Variants in JPH3 observed in about 807,000 individuals in gnomAD.
JPH3 encodes the protein junctophilin-3.
JPH3 carries 11 observed loss-of-function variants against 59.6 expected under a neutral mutation model. The ratio of observed to expected loss-of-function variants is 0.18; its 90% CI spans 0.12 to 0.31. The LOEUF (loss-of-function observed/expected upper bound fraction) is 0.31, where lower values mean the gene tolerates loss of function less well. JPH3 is among the 10% of genes least tolerant of loss of function. The pLI, the probability that JPH3 is intolerant of heterozygous loss-of-function variation, is 1.00. For missense variants in JPH3, 1,202 were observed against 1,105.7 expected, an observed-to-expected ratio of 1.09 and a Z score of -1.24; for synonymous variants, 673 against 483.6, an observed-to-expected ratio of 1.39 and a Z score of -5.14.
At chr16:87,624,420 C>G (rs1215228161) in intron 1 of JPH3, among the ~76,000 whole-genome samples, 1 of 152,216 alleles carries the variant, frequency 6.6e-6, no homozygotes, top group African/African-American at 2.4e-5. Context: ...GCTGAGAGGC[C>G]TTTTGTGTGT....
At position 87,650,951 on chromosome 16, in the gene JPH3, A is replaced by G. The variant is rs976033208; in HGVS notation, c.1160+5916A>G. On this transcript the variant is annotated intron_variant, in intron 2 of 4. Coordinates refer to ENST00000284262, the MANE Select transcript of JPH3 (RefSeq NM_020655.4). ...TTCAGTGTCGATGGAACAGCTTTCTATTGGAAGGAGATTCCATCTAGGACT... is the reference window on the plus strand; with the variant it reads ...TTCAGTGTCGATGGAACAGCTTTCTGTTGGAAGGAGATTCCATCTAGGACT... Among the ~76,000 whole-genome samples the G allele has an allele frequency of 3.3e-5, 5 of 152,258 alleles. 1 individual carries two copies. Among genetic ancestry groups the G allele is most frequent in the Admixed American group, 3.3e-4 (5 of 15,286 alleles).
rs747189272 is a variant in JPH3, at chr16:87,644,385, G to T, written c.510G>T (p.Glu170Asp). The T allele has an allele frequency of 6.2e-7, 1 of 1,612,810 alleles. No individual in the cohort carries two copies. The highest frequency in any genetic ancestry group is 8.5e-7 in the Non-Finnish European group (1 of 1,179,854). Reference sequence around the variant, plus strand: ...CGTCCATCAACTCCCTGCGCAGCGAGCACACCAACGGCACGGCGCTGCATC... The same window carrying T: ...CGTCCATCAACTCCCTGCGCAGCGATCACACCAACGGCACGGCGCTGCATC... ...LRTSINSLRS[E>D]HTNGTALHPD... The change falls in exon 2 of 5, where the codon GAG becomes GAT. Residue 170 changes from glutamate (E) to aspartate (D), a missense_variant. Coordinates refer to ENST00000284262, the MANE Select transcript of JPH3 (RefSeq NM_020655.4).
At chr16:87,680,399 G>A (rs2033258877) in intron 2 of JPH3, among the ~76,000 whole-genome samples, 1 of 115,706 alleles carries the variant, frequency 8.6e-6, no homozygotes, top group African/African-American at 3.0e-5. Context: ...GCGGAGCCCT[G>A]GTGGGCAGCC....
At chr16:87,628,144 C>T (rs1383225635) in intron 1 of JPH3, among the ~76,000 whole-genome samples, 1 of 152,262 alleles carries the variant, frequency 6.6e-6, no homozygotes, top group Non-Finnish European at 1.5e-5. Flanking sequence ...TCCCAGGCCC[C>T]ACAAGGCATG....
At chr16:87,692,275 G>A (rs1325498015) in intron 4 of JPH3, among the ~76,000 whole-genome samples, 1 of 149,468 alleles carries the variant, frequency 6.7e-6, no homozygotes, top group East Asian at 2.0e-4. Flanking sequence ...GAGGGGAGAT[G>A]GTGTGTAGAG....
chr16:87,612,133 T>C (rs2030751313), intron 1 of JPH3, among the ~76,000 whole-genome samples: 2 of 152,158 alleles, frequency 1.3e-5, no homozygotes, highest in South Asian at 2.1e-4. Flanking sequence ...TTTATTTTAA[T>C]TTTTTTCAGA....
chr16:87,660,732 C>G (rs940877744), intron 2 of JPH3, among the ~76,000 whole-genome samples: 2 of 152,222 alleles, frequency 1.3e-5, no homozygotes, highest in Non-Finnish European at 2.9e-5. Context: ...GTCATATCGC[C>G]TGTCTGAGCC....
chr16:87,637,356 C>T lies in JPH3; in HGVS notation c.383-6902C>T, dbSNP rs1337714664. Among the ~76,000 whole-genome samples, 7 of 151,922 alleles carry T rather than the reference C, an allele frequency of 4.6e-5. No homozygotes were observed. The South Asian group carries it at 6.2e-4, about 13-fold the overall frequency. ...TTCCTGCTCCTCCCCGGCCATCATCCGTCTGTCTCTGGATTTACCTGTTCA... is the reference window on the plus strand; with the variant it reads ...TTCCTGCTCCTCCCCGGCCATCATCTGTCTGTCTCTGGATTTACCTGTTCA... On this transcript the variant is annotated intron_variant, in intron 1 of 4. Coordinates refer to ENST00000284262, the MANE Select transcript of JPH3 (RefSeq NM_020655.4).
chr16:87,674,735 A>G (rs1306332709), intron 2 of JPH3, among the ~76,000 whole-genome samples: 5 of 151,980 alleles, frequency 3.3e-5, no homozygotes, highest in Non-Finnish European at 5.9e-5. Context: ...TTTCTAAAGA[A>G]CTTGTGTTTT....
At position 87,689,810 on chromosome 16, in the gene JPH3, C is replaced by G; in HGVS notation, c.1450C>G (p.Pro484Ala). The G allele has an allele frequency of 6.3e-7, 1 of 1,582,408 alleles. No individual in the cohort carries two copies. The highest frequency in any genetic ancestry group is 1.8e-5 in the Admixed American group (1 of 56,664). The change falls in exon 4 of 5, where the codon CCC becomes GCC. Residue 484 changes from proline to alanine, a missense_variant. Pro to Ala is a conservative substitution (Grantham distance 27). Coordinates refer to ENST00000284262, the MANE Select transcript of JPH3 (RefSeq NM_020655.4). ...CCCCCTGCAGAGCTTCCCCACCAGCCCCGCGGCCACCCCGCCGCCCGCGCC... is the reference window on the plus strand; with the variant it reads ...CCCCCTGCAGAGCTTCCCCACCAGCGCCGCGGCCACCCCGCCGCCCGCGCC... ...DSPLQSFPTS[P>A]AATPPPAPAA...
intron 3 of JPH3, among the ~76,000 whole-genome samples, chr16:87,687,827 G>A (rs1349272128): frequency 6.6e-6 from 1 of 152,206 alleles, no homozygotes; most frequent in Non-Finnish European, 1.5e-5. Flanking sequence ...CGACCTGGTG[G>A]GAAAGGCCGG....
intron 2 of JPH3, among the ~76,000 whole-genome samples, chr16:87,652,719 C>T (rs998816873): frequency 6.6e-6 from 1 of 152,242 alleles, no homozygotes; most frequent in Non-Finnish European, 1.5e-5. Flanking sequence ...TGCCTACTCT[C>T]GTGAGTTGAG....
Position 87,644,769 on chromosome 16 carries a change from C to T in JPH3, c.894C>T (p.Ser298=), listed in dbSNP as rs149023008. ...GCGAGTGGAAGAACGACAAACGCTC[C>T]GGCTTCGGCGTGAGCCAGCGCTCGG... ...YVGEWKNDKR[S]GFGVSQRSDG... The change falls in exon 2 of 5, where the codon TCC becomes TCT. Residue 298 remains serine (S), a synonymous_variant. Transcript: ENST00000284262. 379 of 1,613,184 alleles carry T rather than the reference C, an allele frequency of 2.3e-4. No individual in the cohort carries two copies. Among genetic ancestry groups the T allele is most frequent in the Non-Finnish European group, 2.7e-4 (321 of 1,179,914 alleles).
At chr16:87,624,076 C>T (rs921450505) in intron 1 of JPH3, among the ~76,000 whole-genome samples, 2 of 152,236 alleles carry the variant, frequency 1.3e-5, no homozygotes, top group African/African-American at 4.8e-5. Context: ...TTGTCGCTGT[C>T]ACTCCCCAAA....
rs141893591 is a variant in JPH3 at position 87,678,369 on chromosome 16, T to A, written c.1161-5773T>A. Reference sequence around the variant, plus strand: ...GCCTGGCCAACATGACAAAACCCTGTCTCTACTAAAAGTAGAAAAATTAGC... The same window carrying A: ...GCCTGGCCAACATGACAAAACCCTGACTCTACTAAAAGTAGAAAAATTAGC... On this transcript the variant is annotated intron_variant, in intron 2 of 4. Coordinates refer to ENST00000284262, the MANE Select transcript of JPH3 (RefSeq NM_020655.4). Among the ~76,000 whole-genome samples, 111 of 152,262 alleles carry A rather than the reference T, an allele frequency of 7.3e-4. 1 individual carries two copies. In the East Asian group the frequency reaches 0.019, roughly 26 times the overall value.
intron 1 of JPH3, among the ~76,000 whole-genome samples, chr16:87,639,275 A>G (rs1055366945): frequency 2.6e-5 from 4 of 152,022 alleles, no homozygotes; most frequent in Admixed American, 2.6e-4. Flanking sequence ...CCAAGGTTGT[A>G]GATTGAGAAA....
chr16:87,668,111 G>T (rs1406821395), intron 2 of JPH3, among the ~76,000 whole-genome samples: 1 of 152,170 alleles, frequency 6.6e-6, no homozygotes, highest in Non-Finnish European at 1.5e-5. Flanking sequence ...CGGCTCCGTG[G>T]GCCAACTTTT....
chr16:87,622,957 G>A (rs993539189), intron 1 of JPH3, among the ~76,000 whole-genome samples: 2 of 152,144 alleles, frequency 1.3e-5, no homozygotes, highest in African/African-American at 4.8e-5. Context: ...CTCTGCGATG[G>A]CCGCTACTAC....
At chr16:87,652,717 C>G (rs901445096) in intron 2 of JPH3, among the ~76,000 whole-genome samples, 3 of 152,348 alleles carry the variant, frequency 2.0e-5, no homozygotes, top group South Asian at 2.1e-4. Flanking sequence ...GGTGCCTACT[C>G]TCGTGAGTTG....
Sources: allele counts gnomAD v4.1 joint callset (sites outside exome capture counted in the v4.1 genomes callset), GRCh38; gene constraint gnomAD v4.1.1; transcripts MANE v1.5; gene names NCBI Gene and HGNC (gene_info 2026-07-23, HGNC 2026-07-21).